HEY2: variants seen among roughly 807,000 people sequenced by gnomAD.
HEY2 encodes hes related family bHLH transcription factor with YRPW motif 2, also known as hairy/enhancer-of-split related with YRPW motif protein 2.
In HEY2, 10 loss-of-function variants were observed where a neutral mutation model predicts 18.1. The observed-to-expected ratio is 0.55, with a 90% CI of 0.34 to 0.94. The LOEUF is 0.94. Ranked by LOEUF, HEY2 falls within the 40% of genes least tolerant of loss-of-function variation. The probability of loss-of-function intolerance (pLI) is 0.02; values close to 1 mark genes in which losing one functional copy is unlikely to be tolerated. For synonymous variants in HEY2, 210 were observed against 182.7 expected (o/e 1.15, Z -1.21); for missense variants, 455 against 455.9 (o/e 1.00, Z 0.02).
intron 4 of HEY2, among the ~76,000 whole-genome samples, chr6:125,756,746 C>G (rs749638088): frequency 2.0e-5 from 3 of 152,106 alleles, no homozygotes; most frequent in Non-Finnish European, 4.4e-5. Context: ...TTACCCCCTG[C>G]GAGCTGGTCC....
chr6:125,758,286 A>C lies in HEY2; in HGVS notation c.329-831A>C, dbSNP rs529264242. Among the ~76,000 whole-genome samples, 45 of 152,344 alleles carry C rather than the reference A, an allele frequency of 3.0e-4. 1 individual carries two copies. The South Asian group carries it at 9.1e-3, about 31-fold the overall frequency. On this transcript the variant is annotated intron_variant, in intron 4 of 4. Coordinates refer to ENST00000368364, the MANE Select transcript of HEY2 (RefSeq NM_012259.3). ...CATTTTTATGGTAGTAACCATAGGT[A>C]TAGGAGTGCATGCATATACACTGAC...
At position 125,759,845 on chromosome 6, in the gene HEY2, T is replaced by C; in HGVS notation, c.*43T>C. On this transcript the variant is annotated 3_prime_UTR_variant, in exon 5 of 5. Coordinates refer to ENST00000368364, the MANE Select transcript of HEY2 (RefSeq NM_012259.3). ...TGCAATAGTAACTGAATGTCCTCCA[T>C]TTCAGAGTCAGCTTAAAACCTCTGC... 1.2e-5 allele frequency: 18 copies of C among 1,540,544 alleles called. No homozygotes were observed. The highest frequency in any genetic ancestry group is 1.6e-5 in the Non-Finnish European group (18 of 1,120,102).
chr6:125,758,151 T>C (rs964162145), intron 4 of HEY2, among the ~76,000 whole-genome samples: 1 of 105,016 alleles, frequency 9.5e-6, no homozygotes, highest in Non-Finnish European at 2.3e-5. Flanking sequence ...CTGATTATTA[T>C]TGTGCCCTAC....
chr6:125,751,468 T>G (rs556566947), intron 1 of HEY2, among the ~76,000 whole-genome samples: 14 of 152,310 alleles, frequency 9.2e-5, no homozygotes, highest in African/African-American at 3.4e-4. Flanking sequence ...TTAGTTGACT[T>G]TAAAATATAT....
At chr6:125,758,832 A>AT (rs1268915470) in intron 4 of HEY2, among the ~76,000 whole-genome samples, 2 of 152,112 alleles carry the variant, frequency 1.3e-5, no homozygotes, top group African/African-American at 4.8e-5. Flanking sequence ...GATGTTCTTA[A>AT]TTTTTTTCCC....
Position 125,751,800 on chromosome 6 carries a change from G to C in HEY2, c.84-1G>C. The C allele has an allele frequency of 1.2e-6, 2 of 1,604,450 alleles. No homozygotes were observed. Among genetic ancestry groups the C allele is most frequent in the Non-Finnish European group, 1.7e-6 (2 of 1,172,878 alleles). ...CCTGACATACTCTTCTTATTTCATAGGCAAAGTACTAGCTCTGTGATTAGA... is the reference window on the plus strand; with the variant it reads ...CCTGACATACTCTTCTTATTTCATACGCAAAGTACTAGCTCTGTGATTAGA... On this transcript the variant is annotated splice_acceptor_variant, in intron 1 of 4. Transcript: ENST00000368364. LOFTEE classifies it high-confidence loss of function.
chr6:125,760,494 A>G lies in HEY2; in HGVS notation c.*692A>G, dbSNP rs1475560310. 1 of 152,116 alleles carries G rather than the reference A, an allele frequency of 6.6e-6. No homozygotes were observed. The highest frequency in any genetic ancestry group is 1.5e-5 in the Non-Finnish European group (1 of 68,040). The allele number at this position is 152,116 out of a possible 1,614,324, so 9.4% of individuals were successfully genotyped here. On this transcript the variant is annotated 3_prime_UTR_variant, in exon 5 of 5. Transcript: ENST00000368364. ...GTGCATTGGTATAAGCAATTATTTC[A>G]TCAGTTCTCAGATTAACAAGCATTT...
Position 125,754,511 on chromosome 6 carries a change from A to G in HEY2, c.293A>G (p.Asp98Gly). 6.2e-7 allele frequency: 1 copy of G among 1,603,332 alleles called. No individual in the cohort carries two copies. The highest frequency in any genetic ancestry group is 8.5e-7 in the Non-Finnish European group (1 of 1,174,528). ...EKAEILQMTV[D>G]HLKMLQATGG... is the part of the protein sequence containing the mutation. ...GCTGAAATATTGCAAATGACAGTGG[A>G]TCATTTGAAGATGCTTCAGGCAACA... Residue 98 changes from aspartate (D) to glycine (G), a missense_variant, in exon 4 of 5, where the codon GAT becomes GGT. By Grantham distance (94) the Asp-to-Gly change is moderately conservative. Coordinates refer to ENST00000368364, the MANE Select transcript of HEY2 (RefSeq NM_012259.3).
At chr6:125,757,504 C>T (rs951532316) in intron 4 of HEY2, among the ~76,000 whole-genome samples, 3 of 152,100 alleles carry the variant, frequency 2.0e-5, no homozygotes, top group Non-Finnish European at 2.9e-5. Context: ...ACTTCCAAAT[C>T]GTTGGAATTT....
chr6:125,758,363 C>A (rs1438788139), intron 4 of HEY2, among the ~76,000 whole-genome samples: 1 of 152,016 alleles, frequency 6.6e-6, no homozygotes, highest in African/African-American at 2.4e-5. Context: ...AATGTAAGGA[C>A]ATATATTTGA....
At chr6:125,753,985 A>G (rs1773602037) in intron 3 of HEY2, among the ~76,000 whole-genome samples, 1 of 152,176 alleles carries the variant, frequency 6.6e-6, no homozygotes, top group South Asian at 2.1e-4. Context: ...GAAAGGACTT[A>G]TTGGAGTTTT....
At chr6:125,757,216 T>C (rs760817320) in intron 4 of HEY2, among the ~76,000 whole-genome samples, 8 of 152,200 alleles carry the variant, frequency 5.3e-5, no homozygotes, top group Non-Finnish European at 1.5e-5. Context: ...ATTCTATTCA[T>C]TACCCCCGTC....
In HEY2 at chr6:125,760,115, G is replaced by A. The variant is rs1773767050; in HGVS notation, c.*313G>A. The stretch of plus-strand genomic sequence containing the variant: ...AGCAGTGCATCAGTATGTCTGAATT[G>A]GGGAAGTAAAATGCCCTGACTGAAT... On this transcript the variant is annotated 3_prime_UTR_variant, in exon 5 of 5. Coordinates refer to ENST00000368364, the MANE Select transcript of HEY2 (RefSeq NM_012259.3). 8.8e-6 allele frequency: 3 copies of A among 339,650 alleles called. No individual in the cohort carries two copies. The highest frequency in any genetic ancestry group is 6.5e-5 in the African/African-American group (3 of 46,070). The allele number at this position is 339,650 out of a possible 1,614,324, so 21.0% of individuals were successfully genotyped here.
At position 125,759,884 on chromosome 6, in the gene HEY2, C is replaced by A; in HGVS notation, c.*82C>A. The stretch of plus-strand genomic sequence containing the variant: ...TAAAACCTCTGCACCCTGAAGGTAG[C>A]CATACAGATGCCGACAGATCCACAA... On this transcript the variant is annotated 3_prime_UTR_variant, in exon 5 of 5. Transcript: ENST00000368364. The A allele has an allele frequency of 8.9e-7, 1 of 1,118,482 alleles. No individual in the cohort carries two copies. The allele number at this position is 1,118,482 out of a possible 1,614,324, so 69.3% of individuals were successfully genotyped here. A position where few individuals can be genotyped will look rare whatever the true frequency, so the allele number is the denominator to read the frequency against.
intron 1 of HEY2, among the ~76,000 whole-genome samples, chr6:125,750,814 A>G (rs1773530052): frequency 6.6e-6 from 1 of 152,206 alleles, no homozygotes; most frequent in African/African-American, 2.4e-5. Context: ...AGGGGTGAAA[A>G]TGAGGGGGAC....
chr6:125,757,985 T>C (rs1222896982), intron 4 of HEY2, among the ~76,000 whole-genome samples: 2 of 152,242 alleles, frequency 1.3e-5, no homozygotes, highest in African/African-American at 4.8e-5. Context: ...CTTATTTGAA[T>C]GTGATATTTC....
chr6:125,749,709 C>T lies in HEY2; in HGVS notation c.-68C>T. On this transcript the variant is annotated 5_prime_UTR_variant, in exon 1 of 5. Transcript: ENST00000368364. ...GCCCGGGGAGGGAGGAGGCGGGCGT[C>T]AGGGTGCTGCGCCCCGCTCGGCGTC... 1 of 1,247,700 alleles carries T rather than the reference C, an allele frequency of 8.0e-7. No individual in the cohort carries two copies. The highest frequency in any genetic ancestry group is 1.1e-6 in the Non-Finnish European group (1 of 895,422). 77.3% of individuals were successfully genotyped at this position (1,247,700 alleles called of 1,614,324 possible).
At chr6:125,756,740 C>G (rs1773668874) in intron 4 of HEY2, among the ~76,000 whole-genome samples, 1 of 152,130 alleles carries the variant, frequency 6.6e-6, no homozygotes, top group African/African-American at 2.4e-5. Context: ...GGCAAATTAC[C>G]CCCTGCGAGC....
chr6:125,749,776 G>C lies in HEY2; in HGVS notation c.-1G>C. ...CTGTGCCCCGCGCGGTCTTCGCCGGGATGAAGCGCCCCTGCGAGGAGACGA... is the reference window on the plus strand; with the variant it reads ...CTGTGCCCCGCGCGGTCTTCGCCGGCATGAAGCGCCCCTGCGAGGAGACGA... On this transcript the variant is annotated 5_prime_UTR_variant, in exon 1 of 5. Transcript: ENST00000368364. The C allele has an allele frequency of 6.4e-7, 1 of 1,570,334 alleles. No individual in the cohort carries two copies. The highest frequency in any genetic ancestry group is 8.6e-7 in the Non-Finnish European group (1 of 1,158,730).
Sources: gnomAD v4.1 joint callset for allele counts (sites outside exome capture counted in the v4.1 genomes callset) on GRCh38, gnomAD v4.1.1 for gene constraint, MANE v1.5 for transcripts, NCBI Gene and HGNC (gene_info 2026-07-23, HGNC 2026-07-21) for gene names.